Variants in RAB4A observed in about 807,000 individuals in gnomAD.
RAB4A encodes RAB4A, member RAS oncogene family, also known as ras-related protein Rab-4A.
A neutral mutation model predicts 34.5 loss-of-function variants in RAB4A; 20 were observed. That is an observed-to-expected ratio of 0.58 (90% CI 0.41 to 0.84). The LOEUF is 0.84. Ranked by LOEUF, RAB4A falls within the 40% of genes least tolerant of loss-of-function variation. The pLI, the probability that RAB4A is intolerant of heterozygous loss-of-function variation, is 0.00. For synonymous variants in RAB4A, 102 were observed against 100.0 expected (o/e 1.02, Z -0.12); for missense variants, 228 against 274.5 (o/e 0.83, Z 1.20).
At chr1:229,275,972 A>G (rs1475956914) in intron 1 of RAB4A, among the ~76,000 whole-genome samples, 1 of 151,284 alleles carries the variant, frequency 6.6e-6, no homozygotes, top group Non-Finnish European at 1.5e-5. Context: ...GTATGAAATA[A>G]CTTGCTCTTA....
chr1:229,297,677 A>G, intron 5 of RAB4A, 41 bp downstream of exon 5: 2 of 1,508,848 alleles, frequency 1.3e-6, no homozygotes, highest in Non-Finnish European at 1.8e-6. Flanking sequence ...CAAATCGCAT[A>G]TTTGAGGATA....
intron 3 of RAB4A, among the ~76,000 whole-genome samples, chr1:229,290,124 A>G (rs992181163): frequency 2.0e-5 from 3 of 152,174 alleles, no homozygotes; most frequent in Non-Finnish European, 4.4e-5. Context: ...GGGGGAAGCC[A>G]TTTCTTCCTC....
chr1:229,276,996 T>A (rs978446998), intron 1 of RAB4A, among the ~76,000 whole-genome samples: 1 of 146,526 alleles, frequency 6.8e-6, no homozygotes, highest in Non-Finnish European at 1.5e-5. Flanking sequence ...ATATATAATA[T>A]AGATATATAT....
chr1:229,272,456 A>G (rs1484602255), intron 1 of RAB4A, among the ~76,000 whole-genome samples: 1 of 152,162 alleles, frequency 6.6e-6, no homozygotes, highest in East Asian at 1.9e-4. Context: ...CTCTGGTCTC[A>G]TGGAGCGTAG....
intron 2 of RAB4A, among the ~76,000 whole-genome samples, chr1:229,287,869 A>G (rs1421159678): frequency 6.6e-6 from 1 of 152,218 alleles, no homozygotes; most frequent in Non-Finnish European, 1.5e-5. Flanking sequence ...TTCTGCAGTT[A>G]CAAAATATAA....
intron 1 of RAB4A, among the ~76,000 whole-genome samples, chr1:229,280,303 CACTA>C (rs1292424524): frequency 6.6e-6 from 1 of 152,188 alleles, no homozygotes; most frequent in Non-Finnish European, 1.5e-5. Flanking sequence ...GGTAATTCAG[CACTA>C]ACTGAAACTC....
At chr1:229,297,401 G>A in intron 4 of RAB4A, 81 bp from the exon 5 acceptor site, 3 of 1,398,412 alleles carry the variant, frequency 2.1e-6, no homozygotes, top group African/African-American at 1.4e-5. Context: ...TTGAAAAGCG[G>A]TATGAGTAGT....
chr1:229,287,397 G>A (rs1051058097), intron 2 of RAB4A, among the ~76,000 whole-genome samples: 18 of 152,176 alleles, frequency 1.2e-4, no homozygotes, highest in African/African-American at 3.9e-4. Flanking sequence ...TTAGTGACAT[G>A]GACCCAGTGT....
chr1:229,279,679 T>G (rs1656733387), intron 1 of RAB4A, among the ~76,000 whole-genome samples: 2 of 152,232 alleles, frequency 1.3e-5, no homozygotes, highest in Non-Finnish European at 2.9e-5. Context: ...TGAATTCTAA[T>G]TATTTGATAC....
intron 1 of RAB4A, among the ~76,000 whole-genome samples, chr1:229,282,675 A>G (rs1215039529): frequency 1.3e-5 from 2 of 152,182 alleles, no homozygotes; most frequent in African/African-American, 2.4e-5. Flanking sequence ...TTTGTCATCT[A>G]GTTCACTGAT....
chr1:229,298,342 T>G (rs1204933532), intron 5 of RAB4A, among the ~76,000 whole-genome samples: 1 of 152,156 alleles, frequency 6.6e-6, no homozygotes, highest in Middle Eastern at 3.2e-3. Context: ...AAAAAGCTGT[T>G]TAGAAATCAG....
chr1:229,290,014 G>A (rs903168884), intron 3 of RAB4A, among the ~76,000 whole-genome samples: 1 of 152,168 alleles, frequency 6.6e-6, no homozygotes, highest in Non-Finnish European at 1.5e-5. Flanking sequence ...AAGATTGAGT[G>A]AGTGCACAAT....
chr1:229,301,985 A>G (rs1300318762), intron 6 of RAB4A, among the ~76,000 whole-genome samples: 2 of 151,768 alleles, frequency 1.3e-5, no homozygotes, highest in African/African-American at 4.8e-5. Flanking sequence ...AATTGCCAAC[A>G]TTGCCACTGA....
intron 1 of RAB4A, among the ~76,000 whole-genome samples, chr1:229,272,441 C>T (rs1407551380): frequency 1.3e-5 from 2 of 152,132 alleles, no homozygotes; most frequent in Non-Finnish European, 2.9e-5. Flanking sequence ...ACACAGCAGA[C>T]ACGGCTCTGG....
At chr1:229,284,490 A>G (rs767093884) in intron 1 of RAB4A, among the ~76,000 whole-genome samples, 3 of 152,192 alleles carry the variant, frequency 2.0e-5, no homozygotes, top group Non-Finnish European at 2.9e-5. Context: ...CCTGGGCTTT[A>G]AGGGTAATTT....
intron 6 of RAB4A, among the ~76,000 whole-genome samples, chr1:229,302,297 ATATATATATATATTTTTT>A (rs1163814650): frequency 1.4e-4 from 4 of 28,378 alleles, no homozygotes; most frequent in African/African-American, 3.0e-4. Flanking sequence ...ATATATATAT[ATATATATATATATTTTTT>A]TTTTTTTTTT....
At chr1:229,302,104 C>A (rs1266341537) in intron 6 of RAB4A, among the ~76,000 whole-genome samples, 1 of 150,714 alleles carries the variant, frequency 6.6e-6, no homozygotes, top group African/African-American at 2.4e-5. Context: ...CAAAATACTT[C>A]TGGTTTCAAG....
At chr1:229,277,497 T>A (rs1450225666) in intron 1 of RAB4A, among the ~76,000 whole-genome samples, 1 of 151,318 alleles carries the variant, frequency 6.6e-6, no homozygotes, top group Non-Finnish European at 1.5e-5. Context: ...CTGACCATTG[T>A]ACCAAAACTT....
intron 2 of RAB4A, 46 bp downstream of exon 2, chr1:229,286,612 A>T: frequency 8.4e-7 from 1 of 1,196,644 alleles, no homozygotes; most frequent in Non-Finnish European, 1.2e-6. Flanking sequence ...GTCTTCTGAG[A>T]GCCCTCTCAC....
Sources: allele counts gnomAD v4.1 joint callset (sites outside exome capture counted in the v4.1 genomes callset), GRCh38; gene constraint gnomAD v4.1.1; transcripts MANE v1.5; gene names NCBI Gene and HGNC (gene_info 2026-07-23, HGNC 2026-07-21).